Variants in RAPGEF5 observed in about 807,000 individuals in gnomAD.
RAPGEF5 encodes the protein M-Ras-regulated GEF.
In RAPGEF5, 65 loss-of-function variants were observed where a neutral mutation model predicts 125.2. The ratio of observed to expected loss-of-function variants is 0.52; its 90% CI spans 0.43 to 0.64. The LOEUF (loss-of-function observed/expected upper bound fraction) is 0.64. Ranked by LOEUF, RAPGEF5 falls within the 30% of genes least tolerant of loss-of-function variation. The probability of loss-of-function intolerance (pLI) is 0.00; values close to 1 mark genes in which losing one functional copy is unlikely to be tolerated. For synonymous variants in RAPGEF5, 391 were observed against 385.9 expected (o/e 1.01, Z -0.16); for missense variants, 958 against 1,048.1 (o/e 0.91, Z 1.19).
chr7:22,269,926 T>C (rs1583535213), intron 6 of RAPGEF5, among the ~76,000 whole-genome samples: 2 of 152,078 alleles, frequency 1.3e-5, no homozygotes, highest in Admixed American at 6.5e-5. Flanking sequence ...GGAAAAACTA[T>C]AGGGAAAGGA....
Position 22,122,236 on chromosome 7 carries a change from G to A in RAPGEF5, c.*170C>T. On this transcript the variant is annotated 3_prime_UTR_variant, in exon 26 of 26. Coordinates refer to ENST00000665637, the MANE Select transcript of RAPGEF5 (RefSeq NM_012294.5). The stretch of plus-strand genomic sequence containing the variant: ...CATGGAGAAACCTCTCCCCCTCTCT[G>A]GTGGCTGACATCACTTCCTGAACAC... The A allele has an allele frequency of 7.0e-6, 4 of 573,080 alleles. No homozygotes were observed. The highest frequency in any genetic ancestry group is 1.2e-5 in the Non-Finnish European group (4 of 321,336). 35.5% of individuals were successfully genotyped at this position (573,080 alleles called of 1,614,324 possible).
intron 15 of RAPGEF5, 30 bp from the exon 16 acceptor site, chr7:22,156,918 T>A: frequency 6.2e-7 from 1 of 1,613,702 alleles, no homozygotes; most frequent in Non-Finnish European, 8.5e-7. Context: ...GAACAATGAA[T>A]GAATACATTC....
chr7:22,309,663 T>C (rs1012047389), intron 4 of RAPGEF5, among the ~76,000 whole-genome samples: 7 of 152,314 alleles, frequency 4.6e-5, no homozygotes, highest in African/African-American at 1.4e-4. Context: ...CAACTAAAGA[T>C]GTCACTGATT....
intron 3 of RAPGEF5, among the ~76,000 whole-genome samples, chr7:22,310,976 C>A (rs965637561): frequency 1.8e-4 from 27 of 152,090 alleles, no homozygotes; most frequent in Middle Eastern, 3.2e-3. Context: ...AGTGTTTTGT[C>A]ATTTGCAGAA....
intron 3 of RAPGEF5, among the ~76,000 whole-genome samples, chr7:22,313,124 G>C (rs770800135): frequency 5.9e-5 from 9 of 152,188 alleles, no homozygotes; most frequent in Non-Finnish European, 1.0e-4. Context: ...AAGCCCATGT[G>C]ACTGCTTAAC....
chr7:22,143,115 G>A (rs1783317259), intron 20 of RAPGEF5, among the ~76,000 whole-genome samples: 1 of 152,024 alleles, frequency 6.6e-6, no homozygotes, highest in African/African-American at 2.4e-5. Flanking sequence ...CACATAATTA[G>A]CATTTATAAG....
chr7:22,154,350 G>T, intron 17 of RAPGEF5, 105 bp downstream of exon 17: 1 of 1,300,634 alleles, frequency 7.7e-7, no homozygotes, highest in South Asian at 1.5e-5. Flanking sequence ...TCCAGCTGCG[G>T]GCCCAGAAGG....
At chr7:22,300,098 C>T (rs781678218) in intron 5 of RAPGEF5, among the ~76,000 whole-genome samples, 171 of 152,170 alleles carry the variant, frequency 1.1e-3, no homozygotes, top group Admixed American at 2.7e-3. Flanking sequence ...TCCTGGGATG[C>T]CAACATGTGT....
chr7:22,130,846 A>G (rs1782893344), intron 24 of RAPGEF5, 191 bp downstream of exon 24: 2 of 707,820 alleles, frequency 2.8e-6, no homozygotes, highest in Admixed American at 7.5e-5. Flanking sequence ...ACTTGTTGTT[A>G]ATTGGAATAC....
chr7:22,266,662 T>G (rs1376512014), intron 7 of RAPGEF5, among the ~76,000 whole-genome samples: 1 of 152,184 alleles, frequency 6.6e-6, no homozygotes, highest in Non-Finnish European at 1.5e-5. Context: ...TACTTTGTCA[T>G]GTACCTAGAT....
At chr7:22,206,760 T>G (rs1785407520) in intron 9 of RAPGEF5, among the ~76,000 whole-genome samples, 1 of 151,236 alleles carries the variant, frequency 6.6e-6, no homozygotes, top group South Asian at 2.1e-4. Context: ...AAATAAAATT[T>G]TACTTAATGA....
At chr7:22,210,728 T>C (rs572749468) in intron 9 of RAPGEF5, among the ~76,000 whole-genome samples, 1 of 152,178 alleles carries the variant, frequency 6.6e-6, no homozygotes, top group Non-Finnish European at 1.5e-5. Flanking sequence ...TTAAAATGGT[T>C]GAGCCTTGTT....
intron 5 of RAPGEF5, among the ~76,000 whole-genome samples, chr7:22,301,078 A>G (rs1370731521): frequency 6.6e-6 from 1 of 152,146 alleles, no homozygotes; most frequent in African/African-American, 2.4e-5. Context: ...TTCGTTCCAT[A>G]ATTTGCCTGC....
rs1477612625 is a variant in RAPGEF5 at position 22,193,446 on chromosome 7, C to A, written c.1125G>T (p.Val375=). The A allele has an allele frequency of 6.3e-7, 1 of 1,590,512 alleles. No individual in the cohort carries two copies. The highest frequency in any genetic ancestry group is 1.3e-5 in the African/African-American group (1 of 74,586). The change falls in exon 11 of 26, where the codon GTG becomes GTT. Residue 375 remains valine, a synonymous_variant. Transcript: ENST00000665637. ...AAATCTTCTCCGGGGTCCCGGACAC[C>A]ACCACATATCTGTCAGAGAGCAGAG... is the stretch of plus-strand genomic sequence containing the variant. ...GSAESHWRYV[V]VSGTPEKILE...
intron 8 of RAPGEF5, among the ~76,000 whole-genome samples, chr7:22,226,364 G>A (rs1053654488): frequency 6.6e-6 from 1 of 152,126 alleles, no homozygotes; most frequent in African/African-American, 2.4e-5. Flanking sequence ...AAACACTGAT[G>A]AGCTTAGATG....
At chr7:22,317,303 C>T (rs1259554057) in intron 2 of RAPGEF5, among the ~76,000 whole-genome samples, 3 of 147,108 alleles carry the variant, frequency 2.0e-5, no homozygotes, top group Non-Finnish European at 3.0e-5. Flanking sequence ...TGCAGTGGTG[C>T]GATCTCAGCT....
intron 7 of RAPGEF5, among the ~76,000 whole-genome samples, chr7:22,263,481 G>A (rs1361585222): frequency 2.6e-5 from 4 of 152,154 alleles, no homozygotes; most frequent in African/African-American, 9.7e-5. Flanking sequence ...TATAATCCCA[G>A]CAGTTTGGGA....
intron 7 of RAPGEF5, 101 bp from the exon 8 acceptor site, chr7:22,231,020 A>G: frequency 9.0e-7 from 1 of 1,105,102 alleles, no homozygotes; most frequent in Non-Finnish European, 1.3e-6. Flanking sequence ...AATGTTAGAT[A>G]GATTCACAAA....
chr7:22,195,608 C>T (rs1452603054), intron 9 of RAPGEF5, among the ~76,000 whole-genome samples: 4 of 152,146 alleles, frequency 2.6e-5, no homozygotes, highest in Admixed American at 6.5e-5. Context: ...ACTCCCGTAA[C>T]ATGAATACCA....
Sources: allele counts gnomAD v4.1 joint callset (sites outside exome capture counted in the v4.1 genomes callset), GRCh38; gene constraint gnomAD v4.1.1; transcripts MANE v1.5; gene names NCBI Gene and HGNC (gene_info 2026-07-23, HGNC 2026-07-21).